SLC38A1: variants seen among roughly 807,000 people sequenced by gnomAD.
The protein encoded by SLC38A1 is sodium-coupled neutral amino acid symporter 1.
In SLC38A1, 18 loss-of-function variants were observed where a neutral mutation model predicts 60.3. The ratio of observed to expected loss-of-function variants is 0.30; its 90% CI spans 0.21 to 0.44. The LOEUF (loss-of-function observed/expected upper bound fraction) is 0.44. SLC38A1 is among the 20% of genes least tolerant of loss of function. The pLI is 1.00. For synonymous variants in SLC38A1, 196 were observed against 212.1 expected (o/e 0.92, Z 0.66); for missense variants, 448 against 587.2 (o/e 0.76, Z 2.45).
intron 8 of SLC38A1, 137 bp from the exon 9 acceptor site, chr12:46,206,299 C>A: frequency 2.0e-6 from 1 of 505,876 alleles, no homozygotes. Context: ...AATCATTATT[C>A]AGGTCTTATC....
At chr12:46,195,961 A>T (rs1009783721) in intron 16 of SLC38A1, 9 of 527,588 alleles carry the variant, frequency 1.7e-5, no homozygotes, top group Non-Finnish European at 6.6e-6. Context: ...GGCTGCACCC[A>T]CTGTCCAACC....
Position 46,249,168 on chromosome 12 carries a change from A to AAAAAAAAAAAAG in SLC38A1, c.-208-5855_-208-5854insCTTTTTTTTTTT, listed in dbSNP as rs555103632. On this transcript the variant is annotated intron_variant, in intron 1 of 16. Transcript: ENST00000398637. ...GAGACTCCGCCTCAAAAAAAAAAAA[A>AAAAAAAAAAAAG]AAAAAAAGAAACTCACTCAAAACCG... is the stretch of plus-strand genomic sequence containing the variant. Among the ~76,000 whole-genome samples the AAAAAAAAAAAAG allele has an allele frequency of 2.2e-4, 28 of 126,468 alleles. 2 individuals carry two copies. The highest frequency in any genetic ancestry group is 2.8e-4 in the Non-Finnish European group (17 of 61,138). 83.0% of individuals were successfully genotyped at this position (126,468 alleles called of 152,430 possible).
At chr12:46,219,124 G>A (rs1940545331) in intron 5 of SLC38A1, among the ~76,000 whole-genome samples, 1 of 152,182 alleles carries the variant, frequency 6.6e-6, no homozygotes, top group Non-Finnish European at 1.5e-5. Flanking sequence ...GGCAAGAAGG[G>A]GGTCTTTTTG....
Position 46,241,068 on chromosome 12 carries a change from G to A in SLC38A1, c.-93-1175C>T, listed in dbSNP as rs11183406. ...GCAAATGCAACTTCAAAAGCAAGGCGTATAATGCATGGGGAGCCTCACCGT... is the reference window on the plus strand; with the variant it reads ...GCAAATGCAACTTCAAAAGCAAGGCATATAATGCATGGGGAGCCTCACCGT... On this transcript the variant is annotated intron_variant, in intron 2 of 16. Coordinates refer to ENST00000398637, the MANE Select transcript of SLC38A1 (RefSeq NM_030674.4). Among the ~76,000 whole-genome samples, 599 of 152,236 alleles carry A rather than the reference G, an allele frequency of 3.9e-3. 7 individuals are homozygous for A. The East Asian group carries it at 0.058, about 15-fold the overall frequency.
chr12:46,266,475 T>C (rs1177675310), intron 1 of SLC38A1, among the ~76,000 whole-genome samples: 2 of 152,028 alleles, frequency 1.3e-5, no homozygotes, highest in Non-Finnish European at 2.9e-5. Flanking sequence ...TTCCTTCCGC[T>C]GGCCTTCTTC....
chr12:46,258,657 A>G (rs1260954605), intron 1 of SLC38A1, among the ~76,000 whole-genome samples: 1 of 151,916 alleles, frequency 6.6e-6, no homozygotes, highest in Non-Finnish European at 1.5e-5. Context: ...AAATGTGTTT[A>G]TTTATTTATT....
intron 1 of SLC38A1, among the ~76,000 whole-genome samples, chr12:46,252,936 C>A (rs945896688): frequency 3.8e-5 from 5 of 130,844 alleles, no homozygotes; most frequent in East Asian, 2.4e-4. Flanking sequence ...GTAAGTAAAA[C>A]AATCCAGAAA....
chr12:46,193,686 T>C (rs1438194935), intron 16 of SLC38A1, among the ~76,000 whole-genome samples: 4 of 152,178 alleles, frequency 2.6e-5, no homozygotes, highest in African/African-American at 9.7e-5. Flanking sequence ...CACTATGTAG[T>C]GGCCCTCTTT....
intron 16 of SLC38A1, among the ~76,000 whole-genome samples, chr12:46,189,306 C>A (rs1565744947): frequency 6.6e-6 from 1 of 151,886 alleles, no homozygotes; most frequent in Non-Finnish European, 1.5e-5. Flanking sequence ...CCTCTATGTC[C>A]CATTCTTTGA....
intron 2 of SLC38A1, among the ~76,000 whole-genome samples, chr12:46,242,667 T>G (rs1179040042): frequency 6.6e-6 from 1 of 152,110 alleles, no homozygotes; most frequent in African/African-American, 2.4e-5. Flanking sequence ...GCTGGGTGTG[T>G]AGCACGTGCC....
intron 5 of SLC38A1, among the ~76,000 whole-genome samples, chr12:46,211,635 C>G (rs1014826698): frequency 6.6e-6 from 1 of 152,126 alleles, no homozygotes; most frequent in African/African-American, 2.4e-5. Context: ...AACTGCTATC[C>G]CCCCTTTTCA....
At position 46,204,392 on chromosome 12, in the gene SLC38A1, G is replaced by A; in HGVS notation, c.731C>T (p.Pro244Leu). 2 of 1,613,388 alleles carry A rather than the reference G, an allele frequency of 1.2e-6. No homozygotes were observed. Among genetic ancestry groups the A allele is most frequent in the Non-Finnish European group, 8.5e-7 (1 of 1,179,536 alleles). ...TGAATTTAGCTCTGGAACAATGCAG[G>A]GAATTTGAAATTTCTTGTAAATAAC... is the stretch of plus-strand genomic sequence containing the variant. ...IVVIYKKFQIPCIVPELNSTI... is the reference protein window; with the variant it reads ...IVVIYKKFQILCIVPELNSTI... Residue 244 changes from proline to leucine, a missense_variant, in exon 11 of 17, where the codon CCC becomes CTC. Physicochemically the swap from Pro to Leu is moderately conservative, Grantham distance 98. Around this residue, in one of 2 missense-constraint regions of SLC38A1, gnomAD observed 346 missense variants for 497.5 expected, o/e 0.70. Transcript: ENST00000398637.
chr12:46,222,770 T>G (rs1454880249), intron 5 of SLC38A1, among the ~76,000 whole-genome samples: 2 of 152,196 alleles, frequency 1.3e-5, no homozygotes, highest in Admixed American at 1.3e-4. Context: ...AATCTTAAAT[T>G]GCACATGCAG....
intron 8 of SLC38A1, 62 bp downstream of exon 8, chr12:46,207,093 T>C (rs956033169): frequency 9.9e-6 from 11 of 1,107,266 alleles, no homozygotes; most frequent in African/African-American, 3.3e-5. Flanking sequence ...AGAATTTTGA[T>C]TGGCCCATAT....
In SLC38A1 at chr12:46,188,047, A is replaced by AG. The variant is rs1187927688; in HGVS notation, c.*922_*923insC. On this transcript the variant is annotated 3_prime_UTR_variant, in exon 17 of 17. Transcript: ENST00000398637. ...GCTGCTGGGCCTATAATGTACTAAA[A>AG]CATTTTTCTCCCTTCAGCAAGACAG... The AG allele has an allele frequency of 6.6e-6, 1 of 152,060 alleles. No homozygotes were observed. Among genetic ancestry groups the AG allele is most frequent in the Non-Finnish European group, 1.5e-5 (1 of 68,006 alleles). 9.4% of individuals were successfully genotyped at this position (152,060 alleles called of 1,614,324 possible).
At chr12:46,199,614 C>G (rs559565940) in intron 13 of SLC38A1, among the ~76,000 whole-genome samples, 1 of 152,104 alleles carries the variant, frequency 6.6e-6, no homozygotes, top group Non-Finnish European at 1.5e-5. Flanking sequence ...CTACCTTGGC[C>G]TCCCAAAATG....
rs1391327573 is a variant in SLC38A1 at position 46,201,088 on chromosome 12, A to G, written c.1003+10T>C. 1.3e-6 allele frequency: 2 copies of G among 1,566,830 alleles called. No individual in the cohort carries two copies. On this transcript the variant is annotated intron_variant, in intron 13 of 16. Coordinates refer to ENST00000398637, the MANE Select transcript of SLC38A1 (RefSeq NM_030674.4). ...ATATTTATATTTATGTACCAGTAGA[A>G]ATTACTTACCATAGAATGTCAAGTA...
At chr12:46,266,737 C>G (rs1326414505) in intron 1 of SLC38A1, among the ~76,000 whole-genome samples, 1 of 152,148 alleles carries the variant, frequency 6.6e-6, no homozygotes, top group East Asian at 1.9e-4. Context: ...GCCAGTCGCA[C>G]AGTAAGCCCT....
rs2137127574 is a variant in SLC38A1 at position 46,204,366 on chromosome 12, T to C, written c.757A>G (p.Thr253Ala). 1 of 1,613,834 alleles carries C rather than the reference T, an allele frequency of 6.2e-7. No individual in the cohort carries two copies. The highest frequency in any genetic ancestry group is 1.1e-5 in the South Asian group (1 of 91,070). The change falls in exon 11 of 17, where the codon ACA becomes GCA. Residue 253 changes from threonine to alanine, a missense_variant. Transcript: ENST00000398637. ...IPCIVPELNS[T>A]ISANSTNADT... ...GCATTTGTTGAATTAGCACTTATTG[T>C]TGAATTTAGCTCTGGAACAATGCAG...
Sources: allele counts gnomAD v4.1 joint callset (sites outside exome capture counted in the v4.1 genomes callset), GRCh38; gene constraint gnomAD v4.1.1; regional missense constraint gnomAD v4.1.1; transcripts MANE v1.5; gene names NCBI Gene and HGNC (gene_info 2026-07-23, HGNC 2026-07-21).